Variants in ARK2C observed in about 807,000 individuals in gnomAD.
ARK2C encodes E3 ubiquitin-protein ligase ARK2C.
the ARK2C span, among the ~76,000 whole-genome samples, chr18:46,428,519 G>A: frequency 1.3e-5 from 2 of 152,182 alleles, no homozygotes; most frequent in Non-Finnish European, 2.9e-5. Context: ...AGGAAACTTG[G>A]CTGAAATGCT....
chr18:46,462,540 C>A, the ARK2C span: 1 of 152,816 alleles, frequency 6.5e-6, no homozygotes, highest in Admixed American at 6.5e-5. Flanking sequence ...GATGGGTGCC[C>A]CTCTCTGGGC....
At chr18:46,381,692 G>C in the ARK2C span, among the ~76,000 whole-genome samples, 2 of 152,100 alleles carry the variant, frequency 1.3e-5, no homozygotes, top group Admixed American at 6.6e-5. Flanking sequence ...TTAGCTAGGC[G>C]TAATAGCAAG....
the ARK2C span, among the ~76,000 whole-genome samples, chr18:46,354,632 G>T: frequency 6.6e-6 from 1 of 152,232 alleles, no homozygotes; most frequent in Non-Finnish European, 1.5e-5. Context: ...CACAGCATCA[G>T]CACCATGCTA....
the ARK2C span, among the ~76,000 whole-genome samples, chr18:46,403,934 T>C: frequency 2.0e-5 from 3 of 152,272 alleles, no homozygotes; most frequent in South Asian, 6.2e-4. Flanking sequence ...ATTCTTCATC[T>C]ACCAACTTGG....
the ARK2C span, among the ~76,000 whole-genome samples, chr18:46,382,728 A>G: frequency 6.6e-6 from 1 of 152,296 alleles, no homozygotes. Flanking sequence ...GGAAAGAAAG[A>G]CAGGCTCATG....
the ARK2C span, chr18:46,456,171 G>C: frequency 1.2e-6 from 1 of 810,834 alleles, no homozygotes; most frequent in East Asian, 2.7e-5. Context: ...TGGGGTGCTT[G>C]TTTGCTTGTG....
At chr18:46,367,649 A>ACC in the ARK2C span, among the ~76,000 whole-genome samples, 1 of 152,240 alleles carries the variant, frequency 6.6e-6, no homozygotes, top group South Asian at 2.1e-4. Flanking sequence ...CTGACATGGA[A>ACC]CAAGTTGTAT....
chr18:46,440,104 A>G, the ARK2C span, among the ~76,000 whole-genome samples: 1 of 152,046 alleles, frequency 6.6e-6, no homozygotes, highest in Non-Finnish European at 1.5e-5. Context: ...CTGGGATTAC[A>G]GGCGTGAGCC....
the ARK2C span, among the ~76,000 whole-genome samples, chr18:46,374,945 A>G: frequency 6.6e-6 from 1 of 152,022 alleles, no homozygotes; most frequent in African/African-American, 2.4e-5. Context: ...GCACTTCCCT[A>G]CTGCCCTCCT....
chr18:46,383,561 T>G, the ARK2C span, among the ~76,000 whole-genome samples: 3 of 146,212 alleles, frequency 2.1e-5, no homozygotes, highest in Admixed American at 6.8e-5. Flanking sequence ...TTTTTTTTTT[T>G]TTTTTTTTTT....
chr18:46,377,038 G>A, the ARK2C span, among the ~76,000 whole-genome samples: 1 of 152,122 alleles, frequency 6.6e-6, no homozygotes, highest in African/African-American at 2.4e-5. Context: ...TCAGGGAGTG[G>A]TCAGGCACCT....
chr18:46,401,991 C>A, the ARK2C span, among the ~76,000 whole-genome samples: 4 of 152,372 alleles, frequency 2.6e-5, no homozygotes, highest in African/African-American at 9.6e-5. Flanking sequence ...CCTCTCCTCA[C>A]TGCTCTCACA....
chr18:46,450,565 C>G, the ARK2C span: 1 of 810,990 alleles, frequency 1.2e-6, no homozygotes, highest in Non-Finnish European at 2.1e-6. Flanking sequence ...ATATTGCAGT[C>G]TTTCAGCATC....
chr18:46,377,244 AG>A, the ARK2C span, among the ~76,000 whole-genome samples: 1 of 152,354 alleles, frequency 6.6e-6, no homozygotes, highest in East Asian at 1.9e-4. Context: ...AAAGAAAAAA[AG>A]TTTCATAAAG....
At chr18:46,371,142 G>C in the ARK2C span, among the ~76,000 whole-genome samples, 4 of 152,158 alleles carry the variant, frequency 2.6e-5, no homozygotes, top group Admixed American at 1.3e-4. Context: ...CGGATCTCAT[G>C]AGTCTTATTC....
chr18:46,346,410 C>T, the ARK2C span, among the ~76,000 whole-genome samples: 1 of 150,574 alleles, frequency 6.6e-6, no homozygotes, highest in Non-Finnish European at 1.5e-5. Flanking sequence ...TTTTAAATCA[C>T]CCGAAACAGA....
the ARK2C span, among the ~76,000 whole-genome samples, chr18:46,356,622 A>G: frequency 6.6e-6 from 1 of 152,088 alleles, no homozygotes; most frequent in Non-Finnish European, 1.5e-5. Flanking sequence ...CACAGAAGGG[A>G]GTATTCAGAT....
chr18:46,416,088 TC>T, the ARK2C span, among the ~76,000 whole-genome samples: 1 of 152,116 alleles, frequency 6.6e-6, no homozygotes, highest in South Asian at 2.1e-4. Flanking sequence ...GAAGAAAAAC[TC>T]AAAACAATTG....
chr18:46,388,495 G>A, the ARK2C span, among the ~76,000 whole-genome samples: 1 of 152,110 alleles, frequency 6.6e-6, no homozygotes, highest in African/African-American at 2.4e-5. Flanking sequence ...GCAGGAGATC[G>A]GGCAGCAAGA....
Sources: allele counts gnomAD v4.1 joint callset (sites outside exome capture counted in the v4.1 genomes callset), GRCh38; gene constraint gnomAD v4.1.1; transcripts MANE v1.5; gene names NCBI Gene and HGNC (gene_info 2026-07-23, HGNC 2026-07-21).